The following MAP3K2 variants were observed in gnomAD, a reference collection of about 807,000 sequenced individuals.
MAP3K2 encodes mitogen-activated protein kinase kinase kinase 2, also known as MAP/ERK kinase kinase 2.
MAP3K2 carries 24 observed loss-of-function variants against 80.3 expected under a neutral mutation model. The ratio of observed to expected loss-of-function variants is 0.30; its 90% CI spans 0.22 to 0.42. MAP3K2 has a LOEUF of 0.42. Among genes scored for constraint, MAP3K2 ranks in the 10% least tolerant of loss-of-function variants. The probability of loss-of-function intolerance (pLI) is 1.00; values close to 1 mark genes in which losing one functional copy is unlikely to be tolerated. For missense variants in MAP3K2, 608 were observed against 750.1 expected, an observed-to-expected ratio of 0.81 and a Z score of 2.21; for synonymous variants, 244 against 253.7, an observed-to-expected ratio of 0.96 and a Z score of 0.36.
intron 1 of MAP3K2, among the ~76,000 whole-genome samples, chr2:127,363,478 G>A (rs1234340601): frequency 6.6e-6 from 1 of 152,106 alleles, no homozygotes; most frequent in Non-Finnish European, 1.5e-5. Flanking sequence ...GCTGATGGGA[G>A]TTTAACACTT....
rs1423837122 is a variant in MAP3K2 at position 127,387,566 on chromosome 2, G to A, written c.-180C>T. On this transcript the variant is annotated 5_prime_UTR_variant, in exon 1 of 17. Transcript: ENST00000682094. ...CCGCGGCCCCAGGTCGGGGGCTGCC[G>A]CAGGGCCCCCGGGGACCGGAGGGGC... 3 of 984,950 alleles carry A rather than the reference G, an allele frequency of 3.0e-6. No homozygotes were observed. Among genetic ancestry groups the A allele is most frequent in the Middle Eastern group, 5.2e-4 (1 of 1,912 alleles). 61.0% of individuals were successfully genotyped at this position (984,950 alleles called of 1,614,324 possible).
intron 15 of MAP3K2, among the ~76,000 whole-genome samples, chr2:127,313,385 A>G (rs113018868): frequency 1.3e-5 from 2 of 152,202 alleles, no homozygotes; most frequent in African/African-American, 4.8e-5. Context: ...TGCGTAGATC[A>G]TGAGCAATGT....
At chr2:127,346,584 C>A (rs1376841665) in intron 1 of MAP3K2, among the ~76,000 whole-genome samples, 1 of 151,974 alleles carries the variant, frequency 6.6e-6, no homozygotes, top group Non-Finnish European at 1.5e-5. Flanking sequence ...TAACCTAGAA[C>A]ATTAAAAAAC....
At chr2:127,337,619 T>C (rs1036383791) in intron 4 of MAP3K2, 119 bp downstream of exon 4, 16 of 632,500 alleles carry the variant, frequency 2.5e-5, no homozygotes, top group Non-Finnish European at 3.9e-5. Context: ...AGGACTACTC[T>C]ATTCTCAATT....
At chr2:127,327,205 G>A (rs543533086) in intron 7 of MAP3K2, among the ~76,000 whole-genome samples, 1 of 152,290 alleles carries the variant, frequency 6.6e-6, no homozygotes, top group South Asian at 2.1e-4. Flanking sequence ...TATTAGTACA[G>A]TGTCTCACCT....
intron 12 of MAP3K2, among the ~76,000 whole-genome samples, chr2:127,320,479 A>T (rs2104819392): frequency 6.6e-6 from 1 of 152,242 alleles, no homozygotes; most frequent in African/African-American, 2.4e-5. Context: ...GAGAGACAAC[A>T]GAGGTATGAG....
chr2:127,370,228 A>G (rs900840268), intron 1 of MAP3K2, among the ~76,000 whole-genome samples: 1 of 152,206 alleles, frequency 6.6e-6, no homozygotes, highest in African/African-American at 2.4e-5. Flanking sequence ...CAGGCTTGTC[A>G]GGGCCTCAGC....
intron 1 of MAP3K2, among the ~76,000 whole-genome samples, chr2:127,357,376 C>T (rs918486704): frequency 6.6e-6 from 1 of 152,152 alleles, no homozygotes; most frequent in African/African-American, 2.4e-5. Context: ...GTAGTCCCAA[C>T]TACTAAGGAA....
At chr2:127,331,608 G>C (rs1431432195) in intron 5 of MAP3K2, among the ~76,000 whole-genome samples, 1 of 152,128 alleles carries the variant, frequency 6.6e-6, no homozygotes, top group African/African-American at 2.4e-5. Flanking sequence ...AAAAGTCCTT[G>C]GGGTTTTTGA....
In MAP3K2 at chr2:127,313,379, T is replaced by C. The variant is rs868802435; in HGVS notation, c.1456+1375A>G. ...ACAAGGGAGGTCTGCCTAAGATGCG[T>C]AGATCATGAGCAATGTCCCCATCTT... is the stretch of plus-strand genomic sequence containing the variant. On this transcript the variant is annotated intron_variant, in intron 15 of 16. Transcript: ENST00000682094. Among the ~76,000 whole-genome samples, 5 of 152,216 alleles carry C rather than the reference T, an allele frequency of 3.3e-5. 1 individual carries two copies. Among genetic ancestry groups the C allele is most frequent in the African/African-American group, 4.8e-5 (2 of 41,458 alleles).
In MAP3K2 at chr2:127,307,750, T is replaced by C; in HGVS notation, c.1689A>G (p.Glu563=). Residue 563 remains glutamate, a synonymous_variant, in exon 17 of 17, where the codon GAA becomes GAG. Coordinates refer to ENST00000682094, the MANE Select transcript of MAP3K2 (RefSeq NM_001371910.2). The surrounding 1 kb of genome is among the most constrained non-coding windows in gnomAD (Gnocchi z 5.4). ...EMLTEKPPWA[E]FEAMAAIFKI... ...TAAAGATGGCAGCCATTGCTTCAAA[T>C]TCAGCCCAAGGCGGCTTTTCAGTTA... 6.3e-7 allele frequency: 1 copy of C among 1,598,122 alleles called. No individual in the cohort carries two copies. The highest frequency in any genetic ancestry group is 8.5e-7 in the Non-Finnish European group (1 of 1,171,726).
intron 1 of MAP3K2, among the ~76,000 whole-genome samples, chr2:127,354,269 GA>G (rs537174159): frequency 0.029 from 3,004 of 104,636 alleles, 35 homozygotes; most frequent in South Asian, 0.039. Context: ...AATATCATTT[GA>G]AAAAAAAAAA....
rs1573971782 is a variant in MAP3K2, at chr2:127,300,929, C to T, written c.*6650G>A. The T allele has an allele frequency of 6.6e-6, 1 of 152,300 alleles. No individual in the cohort carries two copies. Among genetic ancestry groups the T allele is most frequent in the Middle Eastern group, 3.4e-3 (1 of 294 alleles). 9.4% of individuals were successfully genotyped at this position (152,300 alleles called of 1,614,324 possible). A position where few individuals can be genotyped will look rare whatever the true frequency, so the allele number is the denominator to read the frequency against. ...AAGGTGTAATTTTGTTTCTTCTCCCCTCCAAGTAAAGCTAATGCTAAAATC... is the reference window on the plus strand; with the variant it reads ...AAGGTGTAATTTTGTTTCTTCTCCCTTCCAAGTAAAGCTAATGCTAAAATC... On this transcript the variant is annotated 3_prime_UTR_variant, in exon 17 of 17. Transcript: ENST00000682094.
At chr2:127,319,235 GA>G (rs11305589) in intron 12 of MAP3K2, among the ~76,000 whole-genome samples, 68,747 of 121,082 alleles carry the variant, frequency 0.57, 18,535 homozygotes, top group East Asian at 0.83. Flanking sequence ...GAATGCAAAA[GA>G]AAAAAAAAAA....
intron 1 of MAP3K2, among the ~76,000 whole-genome samples, chr2:127,357,261 T>C (rs1341847389): frequency 6.6e-6 from 1 of 152,314 alleles, no homozygotes; most frequent in Admixed American, 6.5e-5. Flanking sequence ...CTGTGAAAAC[T>C]GAAAAGCTGA....
rs530884538 is a variant in MAP3K2, at chr2:127,351,693, A to G, written c.-65-8499T>C. ...TCTGATCAACTTGATTTTACTCCAAACTCTAATATAACTCATTTCCTATAC... is the reference window on the plus strand; with the variant it reads ...TCTGATCAACTTGATTTTACTCCAAGCTCTAATATAACTCATTTCCTATAC... On this transcript the variant is annotated intron_variant, in intron 1 of 16. Coordinates refer to ENST00000682094, the MANE Select transcript of MAP3K2 (RefSeq NM_001371910.2). Among the ~76,000 whole-genome samples the G allele has an allele frequency of 3.9e-5, 6 of 152,118 alleles. No homozygotes were observed. In the East Asian group the frequency reaches 9.7e-4, roughly 25 times the overall value.
rs76344573 is a variant in MAP3K2 at position 127,307,352 on chromosome 2, T to TA, written c.*226dup. The TA allele has an allele frequency of 0.074, 19,204 of 259,214 alleles. 3 individuals carry two copies. The highest frequency in any genetic ancestry group is 0.11 in the Middle Eastern group (86 of 790). The allele number at this position is 259,214 out of a possible 1,614,324, so 16.1% of individuals were successfully genotyped here. The stretch of plus-strand genomic sequence containing the variant: ...AACCACATCAGTACATTATAAAAAT[T>TA]AAAAAAAAAAACTTCAAGTTCTTGT... On this transcript the variant is annotated 3_prime_UTR_variant, in exon 17 of 17. Transcript: ENST00000682094. This position sits in a 1 kb window ranked among gnomAD's most constrained non-coding sequence, Gnocchi z 5.4.
In MAP3K2 at chr2:127,318,074, C is replaced by T. The variant is rs1361994546; in HGVS notation, c.1194+95G>A. The T allele has an allele frequency of 1.1e-5, 9 of 794,550 alleles. No homozygotes were observed. In the African/African-American group the frequency reaches 1.5e-4, roughly 13 times the overall value. 49.2% of individuals were successfully genotyped at this position (794,550 alleles called of 1,614,324 possible). A position where few individuals can be genotyped will look rare whatever the true frequency, so the allele number is the denominator to read the frequency against. On this transcript the variant is annotated intron_variant, in intron 13 of 16. Coordinates refer to ENST00000682094, the MANE Select transcript of MAP3K2 (RefSeq NM_001371910.2). The stretch of plus-strand genomic sequence containing the variant: ...TTTTTTTTTTTTTTGAAAAAAAATG[C>T]TTCTTATTTAGAATGGAAGGGGCTT...
chr2:127,340,931 T>C (rs13030259), intron 2 of MAP3K2, among the ~76,000 whole-genome samples: 19 of 151,980 alleles, frequency 1.3e-4, no homozygotes, highest in Admixed American at 7.2e-4. Flanking sequence ...ATAAATGCCT[T>C]GGGGGAGGGC....
Sources: allele counts gnomAD v4.1 joint callset (sites outside exome capture counted in the v4.1 genomes callset), GRCh38; gene constraint gnomAD v4.1.1; non-coding constraint Gnocchi (gnomAD v3.1); transcripts MANE v1.5; gene names NCBI Gene and HGNC (gene_info 2026-07-23, HGNC 2026-07-21).